Variants in PRELID2 observed in about 807,000 individuals in gnomAD.
The protein encoded by PRELID2 is PRELI domain-containing protein 2.
In PRELID2, 25 loss-of-function variants were observed where a neutral mutation model predicts 28.4. That is an observed-to-expected ratio of 0.88 (90% CI 0.64 to 1.23). The LOEUF is 1.23. PRELID2 is among the 50% of genes most tolerant of loss of function. PRELID2 has a pLI of 0.00. For missense variants in PRELID2, 201 were observed against 214.4 expected (o/e 0.94, Z 0.39); for synonymous variants, 76 against 71.6 (o/e 1.06, Z -0.31).
intron 1 of PRELID2, among the ~76,000 whole-genome samples, chr5:145,536,134 T>C (rs547745266): frequency 2.3e-4 from 35 of 152,028 alleles, no homozygotes; most frequent in Non-Finnish European, 4.4e-4. Context: ...AAAAGACCTG[T>C]GGTTCTCTCC....
chr5:145,302,265 G>A, the PRELID2 span, among the ~76,000 whole-genome samples: 1 of 151,800 alleles, frequency 6.6e-6, no homozygotes. Context: ...GGGTTCAAGC[G>A]ATTCTCTTGC....
chr5:145,512,304 G>C (rs1752468620), intron 1 of PRELID2, among the ~76,000 whole-genome samples: 2 of 152,178 alleles, frequency 1.3e-5, no homozygotes, highest in South Asian at 2.1e-4. Context: ...CCCAGAGTGA[G>C]AGCCAAAGCA....
chr5:145,481,488 T>C (rs1246809250), intron 1 of PRELID2, among the ~76,000 whole-genome samples: 1 of 151,180 alleles, frequency 6.6e-6, no homozygotes, highest in Non-Finnish European at 1.5e-5. Flanking sequence ...CTTGTTTATG[T>C]AGATAAAATG....
chr5:145,377,874 G>A, the PRELID2 span, among the ~76,000 whole-genome samples: 1 of 152,100 alleles, frequency 6.6e-6, no homozygotes, highest in East Asian at 1.9e-4. Context: ...ATTGATATGT[G>A]TGGATTTGAT....
intron 1 of PRELID2, chr5:145,728,534 C>T (rs949414020): frequency 3.9e-6 from 3 of 760,108 alleles, no homozygotes; most frequent in Non-Finnish European, 7.0e-6. Context: ...ATTTCTACTC[C>T]ACATCAGCAT....
intron 1 of PRELID2, among the ~76,000 whole-genome samples, chr5:145,702,043 C>G (rs1390003194): frequency 3.3e-5 from 5 of 151,662 alleles, no homozygotes; most frequent in Non-Finnish European, 7.4e-5. Flanking sequence ...GAGCAAAACT[C>G]TGTCTCAGGA....
At chr5:145,477,904 T>C (rs1752117817) in intron 1 of PRELID2, among the ~76,000 whole-genome samples, 1 of 151,352 alleles carries the variant, frequency 6.6e-6, no homozygotes, top group African/African-American at 2.4e-5. Context: ...AAGGGGGAAG[T>C]GGGGAGGAAG....
chr5:145,611,077 C>G (rs1462446818), intron 1 of PRELID2, among the ~76,000 whole-genome samples: 1 of 151,226 alleles, frequency 6.6e-6, no homozygotes, highest in East Asian at 1.9e-4. Context: ...GTAAAATCGT[C>G]ATTAAAATTC....
intron 1 of PRELID2, among the ~76,000 whole-genome samples, chr5:145,499,509 C>T (rs1158711345): frequency 6.6e-6 from 1 of 152,096 alleles, no homozygotes; most frequent in Non-Finnish European, 1.5e-5. Flanking sequence ...GCTCCAAAGA[C>T]AACTGACATG....
chr5:145,544,310 A>G (rs1752768421), intron 1 of PRELID2, among the ~76,000 whole-genome samples: 1 of 152,120 alleles, frequency 6.6e-6, no homozygotes, highest in Non-Finnish European at 1.5e-5. Flanking sequence ...AACCACCAAG[A>G]TCTTTCAACT....
chr5:145,475,802 A>G (rs928842169), intron 1 of PRELID2, among the ~76,000 whole-genome samples: 2 of 152,206 alleles, frequency 1.3e-5, no homozygotes, highest in African/African-American at 4.8e-5. Flanking sequence ...TCTATGATCT[A>G]TAGTATTTAC....
At chr5:145,647,090 C>T (rs901632604) in intron 1 of PRELID2, among the ~76,000 whole-genome samples, 1 of 152,190 alleles carries the variant, frequency 6.6e-6, no homozygotes, top group Admixed American at 6.5e-5. Context: ...CAGGCTGGGA[C>T]GTTTGGGTCT....
At chr5:145,293,375 G>A in the PRELID2 span, among the ~76,000 whole-genome samples, 3 of 152,030 alleles carry the variant, frequency 2.0e-5, no homozygotes, top group African/African-American at 7.3e-5. Flanking sequence ...GCTATGCCAG[G>A]CCTAATGTGA....
chr5:145,277,882 C>G, the PRELID2 span, among the ~76,000 whole-genome samples: 2 of 152,156 alleles, frequency 1.3e-5, no homozygotes, highest in Admixed American at 6.6e-5. Context: ...TCTAGGCCAC[C>G]CTGTGGCCTT....
chr5:145,619,474 C>A (rs1025016788), intron 1 of PRELID2, among the ~76,000 whole-genome samples: 8 of 152,230 alleles, frequency 5.3e-5, no homozygotes, highest in African/African-American at 1.7e-4. Context: ...CCTTCAGTTT[C>A]CCTAGCAGGA....
intron 5 of PRELID2, among the ~76,000 whole-genome samples, chr5:145,781,290 G>C (rs899098414): frequency 1.3e-5 from 2 of 152,186 alleles, no homozygotes; most frequent in African/African-American, 4.8e-5. Context: ...CACAGCTGTT[G>C]CTAAACTAGT....
At chr5:145,718,501 T>G (rs1159672787) in intron 1 of PRELID2, among the ~76,000 whole-genome samples, 1 of 151,878 alleles carries the variant, frequency 6.6e-6, no homozygotes, top group Non-Finnish European at 1.5e-5. Flanking sequence ...AACTAATGTA[T>G]AAATTCCCAG....
the PRELID2 span, among the ~76,000 whole-genome samples, chr5:145,426,809 G>C: frequency 9.9e-5 from 15 of 152,124 alleles, no homozygotes; most frequent in Non-Finnish European, 1.8e-4. Flanking sequence ...ACCTTGAATA[G>C]AAAGAATATG....
chr5:145,725,077 C>T lies in PRELID2; in HGVS notation n.70+39854G>A, dbSNP rs78515411. 6.4e-3 allele frequency among the ~76,000 whole-genome samples: 970 copies of T among 151,952 alleles called. 19 individuals are homozygous for T. The highest frequency in any genetic ancestry group is 0.022 in the African/African-American group (913 of 41,448). ...TTTTTAAATGTGGATCTCTGTTTGA[C>T]AATAATATGAACAAAGTAAAGTACT... On this transcript the variant is annotated intron_variant and non_coding_transcript_variant, in intron 1 of 2. Coordinates refer to the PRELID2 transcript ENST00000510259.
Sources: gnomAD v4.1 joint callset for allele counts (sites outside exome capture counted in the v4.1 genomes callset) on GRCh38, gnomAD v4.1.1 for gene constraint, MANE v1.5 for transcripts, NCBI Gene and HGNC (gene_info 2026-07-23, HGNC 2026-07-21) for gene names.